The following PPP2R3A variants were observed in gnomAD, a reference collection of about 807,000 sequenced individuals.
PPP2R3A encodes protein phosphatase 2 regulatory subunit B''alpha, also known as serine/threonine-protein phosphatase 2A regulatory subunit B'' subunit alpha.
In PPP2R3A, 80 loss-of-function variants were observed where a neutral mutation model predicts 106.9. That is an observed-to-expected ratio of 0.75 (90% CI 0.62 to 0.90). The LOEUF (loss-of-function observed/expected upper bound fraction) is 0.90, where lower values mean the gene tolerates loss of function less well. PPP2R3A is among the 40% of genes least tolerant of loss of function. The pLI, the probability that PPP2R3A is intolerant of heterozygous loss-of-function variation, is 0.00. For missense variants in PPP2R3A, 1,386 were observed against 1,350.4 expected (o/e 1.03, Z -0.41); for synonymous variants, 483 against 468.3 (o/e 1.03, Z -0.41).
At chr3:135,990,664 AGTCTT>A (rs1933121834) in intron 1 of PPP2R3A, among the ~76,000 whole-genome samples, 1 of 152,320 alleles carries the variant, frequency 6.6e-6, no homozygotes, top group East Asian at 1.9e-4. Context: ...TAAAGATAAA[AGTCTT>A]ACGTTAGATC....
At chr3:136,126,919 G>A (rs1938202967) in intron 13 of PPP2R3A, among the ~76,000 whole-genome samples, 1 of 152,134 alleles carries the variant, frequency 6.6e-6, no homozygotes, top group Non-Finnish European at 1.5e-5. Flanking sequence ...TGCAGCTGAG[G>A]GACCTGACTG....
chr3:136,101,970 T>C (rs1937371784), intron 10 of PPP2R3A, 37 bp from the exon 11 acceptor site: 1 of 1,586,704 alleles, frequency 6.3e-7, no homozygotes, highest in Non-Finnish European at 8.6e-7. Context: ...AAAAGGTCTT[T>C]ACCAGGCCCA....
chr3:136,034,183 G>A (rs539805718), intron 3 of PPP2R3A, among the ~76,000 whole-genome samples: 88 of 151,788 alleles, frequency 5.8e-4, no homozygotes, highest in Non-Finnish European at 4.7e-4. Flanking sequence ...CTACAGGTGC[G>A]CACTACTACA....
chr3:136,063,746 T>C (rs758276719), intron 5 of PPP2R3A, among the ~76,000 whole-genome samples: 10,109 of 150,266 alleles, frequency 0.067, 328 homozygotes, highest in Non-Finnish European at 0.076. Context: ...AGAATGGCAA[T>C]CATTAAAAAG....
chr3:136,117,207 G>C (rs947960771), intron 13 of PPP2R3A, among the ~76,000 whole-genome samples: 2 of 152,112 alleles, frequency 1.3e-5, no homozygotes. Context: ...AAGACACAAA[G>C]TACCAGAATC....
chr3:135,986,765 G>A (rs569440663), intron 1 of PPP2R3A, among the ~76,000 whole-genome samples: 3 of 152,080 alleles, frequency 2.0e-5, no homozygotes. Context: ...AATTCTTTCT[G>A]TTGTGTCATC....
chr3:136,023,285 T>C, intron 2 of PPP2R3A: 1 of 1,190,358 alleles, frequency 8.4e-7, no homozygotes, highest in Non-Finnish European at 1.2e-6. Context: ...TCCAGTGAAC[T>C]AACTCACAAG....
chr3:136,028,166 ACCT>A, intron 3 of PPP2R3A, among the ~76,000 whole-genome samples: 1 of 152,020 alleles, frequency 6.6e-6, no homozygotes, highest in South Asian at 2.1e-4. Context: ...CCTCCTGCCA[ACCT>A]CCTCAGCATC....
At position 136,002,592 on chromosome 3, in the gene PPP2R3A, CTG is replaced by C. The variant is rs773568879; in HGVS notation, c.1096_1097del (p.Val366ThrfsTer13). On this transcript the variant is annotated frameshift_variant, in exon 2 of 14. Transcript: ENST00000264977. LOFTEE classifies it high-confidence loss of function. ...AAGCCTAATTCTAGGAAGATGGACA[CTG>C]TACAATCCATTCCAAACAACTCCAC... 2.2e-5 allele frequency: 36 copies of C among 1,613,812 alleles called. No individual in the cohort carries two copies. Among genetic ancestry groups the C allele is most frequent in the Non-Finnish European group, 3.1e-5 (36 of 1,179,894 alleles).
intron 12 of PPP2R3A, among the ~76,000 whole-genome samples, chr3:136,105,660 TAA>T (rs112863492): frequency 4.6e-5 from 7 of 151,298 alleles, no homozygotes; most frequent in Non-Finnish European, 8.8e-5. Context: ...CTATCTCTTT[TAA>T]AAAAAAGAGT....
chr3:136,022,983 C>A, intron 2 of PPP2R3A: 1 of 1,577,122 alleles, frequency 6.3e-7, no homozygotes, highest in Non-Finnish European at 8.6e-7. Flanking sequence ...AAATACCTTC[C>A]TACCTGACAA....
At chr3:136,044,623 C>T (rs1028073731) in intron 4 of PPP2R3A, among the ~76,000 whole-genome samples, 1 of 145,184 alleles carries the variant, frequency 6.9e-6, no homozygotes, top group Non-Finnish European at 1.5e-5. Context: ...GCCAAGAAGA[C>T]ACAGCCAGGG....
intron 8 of PPP2R3A, among the ~76,000 whole-genome samples, chr3:136,085,715 G>A (rs910371784): frequency 6.6e-6 from 1 of 152,192 alleles, no homozygotes; most frequent in Non-Finnish European, 1.5e-5. Context: ...ATATAGCAGA[G>A]TATGAATCTT....
At chr3:135,974,648 C>T (rs1321275233) in intron 1 of PPP2R3A, among the ~76,000 whole-genome samples, 3 of 152,222 alleles carry the variant, frequency 2.0e-5, no homozygotes, top group African/African-American at 7.2e-5. Flanking sequence ...CTTCCTCCCT[C>T]GTTCTCTGTC....
chr3:136,018,516 G>C (rs994857556), intron 2 of PPP2R3A, among the ~76,000 whole-genome samples: 4 of 152,104 alleles, frequency 2.6e-5, no homozygotes, highest in African/African-American at 4.8e-5. Context: ...ATAATAAGAG[G>C]GTTCAGAAAG....
At chr3:136,097,135 A>G (rs1426658508) in intron 10 of PPP2R3A, among the ~76,000 whole-genome samples, 3 of 151,924 alleles carry the variant, frequency 2.0e-5, no homozygotes, top group Non-Finnish European at 4.4e-5. Context: ...CTGTTTTCCA[A>G]TTTTCCTACA....
intron 10 of PPP2R3A, among the ~76,000 whole-genome samples, chr3:136,091,731 A>T (rs965985668): frequency 2.0e-5 from 3 of 152,250 alleles, no homozygotes; most frequent in Admixed American, 6.5e-5. Context: ...TTTCAAAAGT[A>T]ATAATTTATT....
intron 1 of PPP2R3A, among the ~76,000 whole-genome samples, chr3:135,985,923 C>T (rs551615808): frequency 9.2e-5 from 14 of 152,222 alleles, no homozygotes; most frequent in African/African-American, 3.4e-4. Flanking sequence ...AAGGGAATGA[C>T]TTTGGGGAGC....
chr3:136,090,389 G>A (rs994528391), intron 9 of PPP2R3A, among the ~76,000 whole-genome samples, 189 bp from the exon 10 acceptor site: 1 of 152,132 alleles, frequency 6.6e-6, no homozygotes, highest in African/African-American at 2.4e-5. Context: ...ATTTGCAAAT[G>A]CCTTCTGGTT....
Sources: allele counts gnomAD v4.1 joint callset (sites outside exome capture counted in the v4.1 genomes callset), GRCh38; gene constraint gnomAD v4.1.1; transcripts MANE v1.5; gene names NCBI Gene and HGNC (gene_info 2026-07-23, HGNC 2026-07-21).